Variants in NELL2 observed in about 807,000 individuals in gnomAD.
The protein encoded by NELL2 is neural EGFL like 2.
In NELL2, 41 loss-of-function variants were observed where a neutral mutation model predicts 109.6. The observed-to-expected ratio is 0.37, with a 90% confidence interval of 0.29 to 0.49. The LOEUF (loss-of-function observed/expected upper bound fraction) is 0.49. Among genes scored for constraint, NELL2 ranks in the 20% least tolerant of loss-of-function variants. NELL2 has a pLI of 0.98. For missense variants in NELL2, 900 were observed against 1,008.3 expected (o/e 0.89, Z 1.45); for synonymous variants, 355 against 344.7 (o/e 1.03, Z -0.33).
chr12:44,905,160 T>G (rs1428208872), intron 1 of NELL2, among the ~76,000 whole-genome samples: 5 of 152,040 alleles, frequency 3.3e-5, no homozygotes, highest in Admixed American at 6.6e-5. Context: ...GCTTAAAAAG[T>G]TTTGGATTTT....
chr12:44,796,876 C>T (rs1230263459), intron 3 of NELL2, among the ~76,000 whole-genome samples: 1 of 151,574 alleles, frequency 6.6e-6, no homozygotes, highest in African/African-American at 2.4e-5. Context: ...ATATAAAATA[C>T]AAGGAAAAAA....
chr12:44,672,277 G>A (rs1948166503), intron 12 of NELL2, among the ~76,000 whole-genome samples: 1 of 152,170 alleles, frequency 6.6e-6, no homozygotes, highest in South Asian at 2.1e-4. Flanking sequence ...TGGCAGGTGA[G>A]TACTACTGTC....
At chr12:44,763,985 T>C (rs1941227960) in intron 9 of NELL2, among the ~76,000 whole-genome samples, 1 of 152,160 alleles carries the variant, frequency 6.6e-6, no homozygotes. Context: ...CCACCCAGCA[T>C]AAACTAAAAC....
chr12:44,782,669 GA>G (rs566568667), intron 3 of NELL2, among the ~76,000 whole-genome samples: 4 of 151,778 alleles, frequency 2.6e-5, no homozygotes, highest in South Asian at 2.1e-4. Flanking sequence ...TAAAAATGAT[GA>G]AAAAAATCAA....
intron 15 of NELL2, among the ~76,000 whole-genome samples, chr12:44,600,244 C>T (rs994194681): frequency 2.0e-5 from 3 of 150,808 alleles, no homozygotes; most frequent in African/African-American, 7.3e-5. Context: ...CTCCGGACCT[C>T]GTGATCCGCC....
chr12:44,508,403 A>G lies in NELL2; in HGVS notation c.*531T>C, dbSNP rs1176899894. Reference sequence around the variant, plus strand: ...GGGATGACTTTTCCTGTTAGAAAATATTAAGTAACCATGCCTGTGCATTAT... The same window carrying G: ...GGGATGACTTTTCCTGTTAGAAAATGTTAAGTAACCATGCCTGTGCATTAT... On this transcript the variant is annotated 3_prime_UTR_variant, in exon 20 of 20. Transcript: ENST00000429094. 1 of 152,704 alleles carries G rather than the reference A, an allele frequency of 6.5e-6. No homozygotes were observed. The highest frequency in any genetic ancestry group is 2.4e-5 in the African/African-American group (1 of 41,476). The allele number at this position is 152,704 out of a possible 1,614,324, so 9.5% of individuals were successfully genotyped here. A position where few individuals can be genotyped will look rare whatever the true frequency, so the allele number is the denominator to read the frequency against.
intron 15 of NELL2, among the ~76,000 whole-genome samples, chr12:44,543,769 T>C (rs1942678353): frequency 6.6e-6 from 1 of 152,168 alleles, no homozygotes; most frequent in Non-Finnish European, 1.5e-5. Context: ...CCAATTCTAG[T>C]GCATCAGTCT....
chr12:44,840,388 T>C (rs1944187521), intron 2 of NELL2, among the ~76,000 whole-genome samples: 1 of 152,208 alleles, frequency 6.6e-6, no homozygotes, highest in Non-Finnish European at 1.5e-5. Context: ...AATTCCACAC[T>C]GGCTGAGAGG....
chr12:44,891,243 A>G (rs1360422647), intron 1 of NELL2, among the ~76,000 whole-genome samples: 1 of 152,192 alleles, frequency 6.6e-6, no homozygotes, highest in Admixed American at 6.5e-5. Context: ...TAGGCCTACC[A>G]GCTATCCAAA....
intron 2 of NELL2, among the ~76,000 whole-genome samples, chr12:44,873,096 T>C (rs1729616324): frequency 6.6e-6 from 1 of 152,184 alleles, no homozygotes. Context: ...AATCAATACA[T>C]CAGTAATATA....
chr12:44,831,213 G>T (rs972271361), intron 2 of NELL2, among the ~76,000 whole-genome samples: 1 of 151,848 alleles, frequency 6.6e-6, no homozygotes. Flanking sequence ...TACCTTACTG[G>T]GAGCTCTATA....
intron 12 of NELL2, among the ~76,000 whole-genome samples, chr12:44,698,871 A>G (rs140273493): frequency 1.2e-3 from 180 of 152,332 alleles, no homozygotes; most frequent in African/African-American, 4.2e-3. Context: ...TGGAAATCAC[A>G]AAAAACTTCT....
intron 13 of NELL2, among the ~76,000 whole-genome samples, chr12:44,655,575 G>T (rs182754380): frequency 4.2e-4 from 64 of 152,314 alleles, no homozygotes; most frequent in African/African-American, 1.4e-3. Flanking sequence ...AGTAACTGTG[G>T]AGACACGTCT....
upstream of NELL2, among the ~76,000 whole-genome samples, chr12:44,917,894 A>G (rs1945840399): frequency 6.6e-6 from 1 of 152,242 alleles, no homozygotes; most frequent in Non-Finnish European, 1.5e-5. Context: ...ACGGCTTCAA[A>G]AAGTCAGGGC....
At chr12:44,610,036 G>C (rs1052155615) in intron 14 of NELL2, among the ~76,000 whole-genome samples, 1 of 151,784 alleles carries the variant, frequency 6.6e-6, no homozygotes, top group Admixed American at 6.6e-5. Flanking sequence ...GAGTACAGTG[G>C]GGGAAAAGGC....
intron 15 of NELL2, among the ~76,000 whole-genome samples, chr12:44,556,539 T>A (rs1943263142): frequency 6.6e-6 from 1 of 152,150 alleles, no homozygotes; most frequent in African/African-American, 2.4e-5. Context: ...AAAGTGGGAA[T>A]CAACCTGGAG....
chr12:44,876,703 T>C (rs933291285), upstream of NELL2: 1 of 1,549,314 alleles, frequency 6.5e-7, no homozygotes, highest in Non-Finnish European at 8.7e-7. Flanking sequence ...CGCCTGCCCT[T>C]TAAGCAAAGG....
At chr12:44,835,916 A>G (rs1566499964) in intron 2 of NELL2, among the ~76,000 whole-genome samples, 1 of 152,328 alleles carries the variant, frequency 6.6e-6, no homozygotes, top group East Asian at 1.9e-4. Flanking sequence ...TGAAAAATCC[A>G]GGCAGAGGAA....
At chr12:44,863,190 T>TGGTG (rs1379622047) in intron 2 of NELL2, among the ~76,000 whole-genome samples, 2 of 152,062 alleles carry the variant, frequency 1.3e-5, no homozygotes, top group Admixed American at 6.6e-5. Context: ...TGAGAACATG[T>TGGTG]GGTGTTTGGT....
Sources: gnomAD v4.1 joint callset for allele counts (sites outside exome capture counted in the v4.1 genomes callset) on GRCh38, gnomAD v4.1.1 for gene constraint, MANE v1.5 for transcripts, NCBI Gene and HGNC (gene_info 2026-07-23, HGNC 2026-07-21) for gene names.